EXOC4: variants seen among roughly 807,000 people sequenced by gnomAD.
EXOC4 encodes the protein SEC8-like 1.
Under a neutral mutation model 107.2 loss-of-function variants are expected in EXOC4, and 71 were observed. The observed-to-expected ratio is 0.66, with a 90% CI of 0.55 to 0.81. The LOEUF is 0.81. Ranked by LOEUF, EXOC4 falls within the 30% of genes least tolerant of loss-of-function variation. The pLI is 0.00. For synonymous variants in EXOC4, 456 were observed against 441.2 expected, an observed-to-expected ratio of 1.03 and a Z score of -0.42; for missense variants, 1,108 against 1,189.6, an observed-to-expected ratio of 0.93 and a Z score of 1.01.
intron 17 of EXOC4, among the ~76,000 whole-genome samples, chr7:134,047,953 A>G (rs749624971): frequency 1.3e-5 from 2 of 152,198 alleles, no homozygotes; most frequent in Non-Finnish European, 2.9e-5. Context: ...ACTCAAATCA[A>G]TCTCCCCAGA....
chr7:133,328,748 C>T (rs1020958834), intron 5 of EXOC4, among the ~76,000 whole-genome samples: 1 of 152,104 alleles, frequency 6.6e-6, no homozygotes, highest in African/African-American at 2.4e-5. Context: ...GAATATTGGC[C>T]CTCACTGTCT....
chr7:133,682,708 C>T (rs1305384304), intron 10 of EXOC4, among the ~76,000 whole-genome samples: 2 of 152,190 alleles, frequency 1.3e-5, no homozygotes, highest in Non-Finnish European at 2.9e-5. Context: ...CTTTCTCATG[C>T]ACACATTATT....
chr7:133,618,508 G>A (rs1355023794), intron 9 of EXOC4, among the ~76,000 whole-genome samples: 2 of 152,066 alleles, frequency 1.3e-5, no homozygotes, highest in Non-Finnish European at 2.9e-5. Flanking sequence ...TGAAAATTTT[G>A]GGTTTACATG....
intron 10 of EXOC4, among the ~76,000 whole-genome samples, chr7:133,741,820 T>C (rs548159877): frequency 1.3e-5 from 2 of 152,318 alleles, no homozygotes; most frequent in East Asian, 3.9e-4. Flanking sequence ...TATACTGTTG[T>C]ATAGATTGTA....
chr7:133,624,197 T>A (rs999053255), intron 9 of EXOC4, among the ~76,000 whole-genome samples: 13 of 152,218 alleles, frequency 8.5e-5, no homozygotes, highest in Admixed American at 3.9e-4. Flanking sequence ...TGCCACTTCC[T>A]ATGGCTCAAA....
chr7:133,460,533 A>G (rs1292231493), intron 7 of EXOC4, among the ~76,000 whole-genome samples: 2 of 152,192 alleles, frequency 1.3e-5, no homozygotes, highest in Non-Finnish European at 2.9e-5. Context: ...AACACATAAC[A>G]TTCAGTATAA....
intron 5 of EXOC4, among the ~76,000 whole-genome samples, chr7:133,331,971 A>G (rs1795405682): frequency 6.6e-6 from 1 of 152,234 alleles, no homozygotes; most frequent in Admixed American, 6.5e-5. Context: ...TAACTTAGGT[A>G]GAAGGATGGG....
intron 13 of EXOC4, among the ~76,000 whole-genome samples, chr7:133,937,101 A>C (rs1206211669): frequency 6.6e-6 from 1 of 152,154 alleles, no homozygotes; most frequent in East Asian, 1.9e-4. Context: ...CCAGTTCTTC[A>C]TCTCTGCAGT....
chr7:134,024,180 G>A (rs1795084621), intron 17 of EXOC4, among the ~76,000 whole-genome samples: 1 of 152,222 alleles, frequency 6.6e-6, no homozygotes, highest in Admixed American at 6.5e-5. Context: ...GCCAGATACG[G>A]TGGCTCTTGC....
chr7:133,444,864 A>G (rs1264643368), intron 7 of EXOC4, among the ~76,000 whole-genome samples: 2 of 152,220 alleles, frequency 1.3e-5, no homozygotes, highest in Admixed American at 1.3e-4. Flanking sequence ...GGGCCTTACC[A>G]GATAGATTGT....
chr7:133,663,324 TTTC>T (rs1210145745), intron 10 of EXOC4, among the ~76,000 whole-genome samples: 2 of 152,068 alleles, frequency 1.3e-5, no homozygotes, highest in Non-Finnish European at 2.9e-5. Flanking sequence ...TTGGCCACCT[TTTC>T]TTCTTTCATG....
chr7:133,810,513 G>A (rs1039776588), intron 10 of EXOC4, among the ~76,000 whole-genome samples: 1 of 151,878 alleles, frequency 6.6e-6, no homozygotes, highest in Non-Finnish European at 1.5e-5. Flanking sequence ...CATTTAGAGG[G>A]CCTTTAGTTG....
intron 10 of EXOC4, among the ~76,000 whole-genome samples, chr7:133,640,138 A>T (rs1201640021): frequency 2.0e-5 from 3 of 152,286 alleles, no homozygotes; most frequent in Admixed American, 1.3e-4. Flanking sequence ...CCAAATCAAG[A>T]TATTAGACAT....
chr7:133,354,259 A>T (rs1795975919), intron 5 of EXOC4, among the ~76,000 whole-genome samples: 1 of 151,422 alleles, frequency 6.6e-6, no homozygotes, highest in South Asian at 2.1e-4. Context: ...TGATGTGGTG[A>T]CTCCAGAAAT....
At chr7:133,535,161 G>A (rs188607837) in intron 9 of EXOC4, among the ~76,000 whole-genome samples, 2 of 152,260 alleles carry the variant, frequency 1.3e-5, no homozygotes, top group African/African-American at 4.8e-5. Context: ...TGTCTTTGTG[G>A]TAGTTGACAT....
intron 9 of EXOC4, among the ~76,000 whole-genome samples, chr7:133,628,475 C>A (rs967186933): frequency 3.9e-5 from 6 of 152,142 alleles, no homozygotes; most frequent in Non-Finnish European, 8.8e-5. Context: ...CTTTTCTTTT[C>A]AATTTTTATC....
intron 7 of EXOC4, among the ~76,000 whole-genome samples, chr7:133,382,794 CT>C (rs1173320422): frequency 2.0e-5 from 3 of 152,082 alleles, no homozygotes; most frequent in Non-Finnish European, 2.9e-5. Context: ...AGAGAGAATA[CT>C]TTTTGATCTT....
At chr7:133,295,198 T>G (rs1794491431) in intron 3 of EXOC4, among the ~76,000 whole-genome samples, 1 of 152,118 alleles carries the variant, frequency 6.6e-6, no homozygotes, top group Admixed American at 6.6e-5. Flanking sequence ...CAGTTTTGAT[T>G]CCTTTTCTTC....
At chr7:133,490,661 C>T (rs1034801519) in intron 9 of EXOC4, among the ~76,000 whole-genome samples, 1 of 152,110 alleles carries the variant, frequency 6.6e-6, no homozygotes, top group African/African-American at 2.4e-5. Flanking sequence ...TTTCAGGAGT[C>T]AGATGAAAGT....
Sources: gnomAD v4.1 joint callset for allele counts (sites outside exome capture counted in the v4.1 genomes callset) on GRCh38, gnomAD v4.1.1 for gene constraint, MANE v1.5 for transcripts, NCBI Gene and HGNC (gene_info 2026-07-23, HGNC 2026-07-21) for gene names.